The following TNRC18 variants were observed in gnomAD, a reference collection of about 807,000 sequenced individuals.
The protein encoded by TNRC18 is trinucleotide repeat-containing gene 18 protein.
TNRC18 carries 69 observed loss-of-function variants against 226.7 expected under a neutral mutation model. The observed-to-expected ratio is 0.30, with a 90% CI of 0.25 to 0.37. The LOEUF is 0.37. Ranked by LOEUF, TNRC18 falls within the 10% of genes least tolerant of loss-of-function variation. The pLI is 1.00. For missense variants in TNRC18, 4,754 were observed against 4,256.6 expected, an observed-to-expected ratio of 1.12 and a Z score of -3.25; for synonymous variants, 2,449 against 1,927.6, an observed-to-expected ratio of 1.27 and a Z score of -7.09.
chr7:5,360,051 C>G (rs1487162856), intron 14 of TNRC18, among the ~76,000 whole-genome samples: 1 of 151,856 alleles, frequency 6.6e-6, no homozygotes, highest in African/African-American at 2.4e-5. Flanking sequence ...AGTGGGGACA[C>G]AGACATGGCT....
At position 5,389,188 on chromosome 7, in the gene TNRC18, G is replaced by A. The variant is rs751478760; in HGVS notation, c.636C>T (p.Arg212=). The part of the protein sequence containing the change: ...RDGPAKERAG[R]GGEPPPLFGK... ...CGAAAAGCGGAGGCGGCTCCCCGCC[G>A]CGGCCCGCCCGCTCCTTGGCTGGAC... The change falls in exon 5 of 30, where the codon CGC becomes CGT. Residue 212 remains arginine, a synonymous_variant. Transcript: ENST00000430969. 3.0e-6 allele frequency: 4 copies of A among 1,318,798 alleles called. No individual in the cohort carries two copies. In the Admixed American group the frequency reaches 1.2e-4, roughly 39 times the overall value. 81.7% of individuals were successfully genotyped at this position (1,318,798 alleles called of 1,614,324 possible).
intron 18 of TNRC18, among the ~76,000 whole-genome samples, chr7:5,342,015 G>C (rs1233214058): frequency 1.3e-5 from 2 of 152,222 alleles, no homozygotes; most frequent in African/African-American, 2.4e-5. Flanking sequence ...AGATGAAGGA[G>C]TAATTTTGAA....
In TNRC18 at chr7:5,377,041, G is replaced by C. The variant is rs757300480; in HGVS notation, c.2462-48C>G. The C allele has an allele frequency of 2.6e-6, 4 of 1,541,114 alleles. No homozygotes were observed. The South Asian group carries it at 3.6e-5, about 14-fold the overall frequency. Reference sequence around the variant, plus strand: ...GAGTCAGTGCTGGGAGCCCCCAAGCGGTTTGTCCTCGGGCAGCCCCAGCCC... The same window carrying C: ...GAGTCAGTGCTGGGAGCCCCCAAGCCGTTTGTCCTCGGGCAGCCCCAGCCC... On this transcript the variant is annotated intron_variant, in intron 7 of 29. Transcript: ENST00000430969. This position sits in a 1 kb window ranked among gnomAD's most constrained non-coding sequence, Gnocchi z 5.8.
At position 5,308,032 on chromosome 7, in the gene TNRC18, C is replaced by A. The variant is rs1044696882; in HGVS notation, c.*74G>T. 2.8e-6 allele frequency: 4 copies of A among 1,405,560 alleles called. No homozygotes were observed. The African/African-American group carries it at 5.7e-5, about 20-fold the overall frequency. 87.1% of individuals were successfully genotyped at this position (1,405,560 alleles called of 1,614,324 possible). ...CGCATGCACACAACGCACGTGGTCT[C>A]CGCGCCATGGCAGTGATGGAGATGG... is the stretch of plus-strand genomic sequence containing the variant. On this transcript the variant is annotated 3_prime_UTR_variant, in exon 30 of 30. Coordinates refer to ENST00000430969, the MANE Select transcript of TNRC18 (RefSeq NM_001080495.3).
rs560438016 is a variant in TNRC18 at position 5,387,905 on chromosome 7, G to C, written c.1919C>G (p.Ser640Cys). The C allele has an allele frequency of 2.5e-5, 40 of 1,592,510 alleles. No homozygotes were observed. The African/African-American group carries it at 4.7e-4, about 19-fold the overall frequency. ...ASRAQARLPH[S>C]GGPAAGGGRQ... ...GCCGCCGCCCGCTGCAGGGCCTCCG[G>C]AGTGTGGGAGACGGGCCTGGGCTCG... The change falls in exon 5 of 30, where the codon TCC (serine) becomes TGC (cysteine). Residue 640 changes from serine to cysteine, a missense_variant. Ser to Cys is a moderately radical substitution (Grantham distance 112). Coordinates refer to ENST00000430969, the MANE Select transcript of TNRC18 (RefSeq NM_001080495.3).
In TNRC18 at chr7:5,361,882, G is replaced by A. The variant is rs964166101; in HGVS notation, c.4532+15C>T. 24 of 1,541,210 alleles carry A rather than the reference G, an allele frequency of 1.6e-5. No individual in the cohort carries two copies. Among genetic ancestry groups the A allele is most frequent in the Admixed American group, 1.2e-4 (6 of 50,336 alleles). ...GGGGCAGGGGCCCCACGGGGCGGGCGGGGGACACACTCACTCGGAGTCCCG... is the reference window on the plus strand; with the variant it reads ...GGGGCAGGGGCCCCACGGGGCGGGCAGGGGACACACTCACTCGGAGTCCCG... On this transcript the variant is annotated intron_variant, in intron 13 of 29. Transcript: ENST00000430969.
At chr7:5,355,419 G>A (rs1298934001) in intron 16 of TNRC18, among the ~76,000 whole-genome samples, 1 of 152,172 alleles carries the variant, frequency 6.6e-6, no homozygotes, top group Non-Finnish European at 1.5e-5. Context: ...CTTGATCCCA[G>A]GAGTTTAAGA....
In TNRC18 at chr7:5,374,106, C is replaced by T; in HGVS notation, c.3178G>A (p.Asp1060Asn). ...EAPENVVEKKDLELEKEAPSP... is the reference protein window; with the variant it reads ...EAPENVVEKKNLELEKEAPSP... ...GGGGCTTCCTTCTCCAACTCCAAGT[C>T]TTTCTTCTCGACCACATTCTCGGGA... Residue 1060 changes from aspartate to asparagine, a missense_variant, in exon 10 of 30, where the codon GAC (aspartate) becomes AAC (asparagine). Physicochemically the swap from Asp to Asn is conservative, Grantham distance 23. Coordinates refer to ENST00000430969, the MANE Select transcript of TNRC18 (RefSeq NM_001080495.3). 1 of 1,566,442 alleles carries T rather than the reference C, an allele frequency of 6.4e-7. No homozygotes were observed. Among genetic ancestry groups the T allele is most frequent in the Non-Finnish European group, 8.6e-7 (1 of 1,157,876 alleles).
chr7:5,370,451 C>T lies in TNRC18; in HGVS notation c.4143G>A (p.Gln1381=). 6.4e-7 allele frequency: 1 copy of T among 1,566,814 alleles called. No homozygotes were observed. The highest frequency in any genetic ancestry group is 8.7e-7 in the Non-Finnish European group (1 of 1,155,448). ...LEAAESLVLE[Q]SFLHGITLLS... ...GCAGGGTGATGCCATGCAGGAAGCTCTGCTCCAAGACAAGGCTCTCGGCTG... is the reference window on the plus strand; with the variant it reads ...GCAGGGTGATGCCATGCAGGAAGCTTTGCTCCAAGACAAGGCTCTCGGCTG... Residue 1381 remains glutamine (Q), a synonymous_variant, in exon 11 of 30, where the codon CAG becomes CAA. Coordinates refer to ENST00000430969, the MANE Select transcript of TNRC18 (RefSeq NM_001080495.3).
At chr7:5,414,463 A>G (rs1479875253) in intron 2 of TNRC18, among the ~76,000 whole-genome samples, 5 of 151,258 alleles carry the variant, frequency 3.3e-5, no homozygotes, top group Non-Finnish European at 5.9e-5. Flanking sequence ...CCCAGGCTGG[A>G]GTGCAATGGC....
At chr7:5,342,917 C>G (rs1790823044) in intron 18 of TNRC18, among the ~76,000 whole-genome samples, 1 of 152,180 alleles carries the variant, frequency 6.6e-6, no homozygotes, top group Non-Finnish European at 1.5e-5. Flanking sequence ...TCAGCAACCA[C>G]CACCCTAATC....
At chr7:5,357,325 T>G in intron 15 of TNRC18, 49 bp from the exon 16 acceptor site, 3 of 1,538,464 alleles carry the variant, frequency 1.9e-6, no homozygotes, top group Non-Finnish European at 2.6e-6. Context: ...CAAAACAGTA[T>G]AGTGGGTTTC....
At chr7:5,366,147 G>T (rs549509833) in intron 11 of TNRC18, among the ~76,000 whole-genome samples, 1 of 151,666 alleles carries the variant, frequency 6.6e-6, no homozygotes, top group Non-Finnish European at 1.5e-5. Context: ...TCTCTGCTGG[G>T]GGCTTGTCCT....
rs1012964930 is a variant in TNRC18, at chr7:5,359,017, T to C, written c.4833+381A>G. The stretch of plus-strand genomic sequence containing the variant: ...AATTACCATGGCACCAAGCCCTTGT[T>C]TCTTAGAACTACAGAATGGCAGAGC... On this transcript the variant is annotated intron_variant, in intron 15 of 29. Transcript: ENST00000430969. Among the ~76,000 whole-genome samples, 3 of 152,310 alleles carry C rather than the reference T, an allele frequency of 2.0e-5. No individual in the cohort carries two copies. In the South Asian group the frequency reaches 6.2e-4, roughly 32 times the overall value.
At chr7:5,383,720 C>G (rs1779558726) in intron 5 of TNRC18, among the ~76,000 whole-genome samples, 2 of 152,042 alleles carry the variant, frequency 1.3e-5, no homozygotes, top group African/African-American at 4.8e-5. Flanking sequence ...AGCACTCAGG[C>G]TGGACTGCCC....
intron 1 of TNRC18, among the ~76,000 whole-genome samples, chr7:5,422,060 A>G (rs1189667240): frequency 6.6e-6 from 1 of 152,064 alleles, no homozygotes; most frequent in African/African-American, 2.4e-5. Context: ...GGAGGGTCCA[A>G]AGCGGGTTTA....
intron 2 of TNRC18, among the ~76,000 whole-genome samples, chr7:5,404,885 G>A (rs1184086640): frequency 3.3e-5 from 5 of 152,042 alleles, no homozygotes; most frequent in South Asian, 2.1e-4. Flanking sequence ...AGGCCGAGGC[G>A]GGCAGATTGC....
chr7:5,376,073 C>T lies in TNRC18; in HGVS notation c.2760G>A (p.Ala920=), dbSNP rs769261912. The T allele has an allele frequency of 2.4e-5, 38 of 1,597,328 alleles. 1 individual carries two copies. The highest frequency in any genetic ancestry group is 3.7e-4 in the Middle Eastern group (2 of 5,456). Residue 920 remains alanine, a synonymous_variant, in exon 9 of 30, where the codon GCG becomes GCA. Coordinates refer to ENST00000430969, the MANE Select transcript of TNRC18 (RefSeq NM_001080495.3). Reference sequence around the variant, plus strand: ...TCCTCTGCAGTTCCAAGGCCTGGGCCGCCTGCTGCTGCAGGTACAGGAACT... The same window carrying T: ...TCCTCTGCAGTTCCAAGGCCTGGGCTGCCTGCTGCTGCAGGTACAGGAACT... The part of the protein sequence containing the change: ...QQEFLYLQQQ[A]AQALELQRSA...
rs985406182 is a variant in TNRC18, at chr7:5,339,082, G to C, written c.5720-6033C>G. On this transcript the variant is annotated intron_variant, in intron 18 of 29. Coordinates refer to ENST00000430969, the MANE Select transcript of TNRC18 (RefSeq NM_001080495.3). ...GGAGGCCAATGAGCGCAGATCACTT[G>C]AGATCAGGAGTTCGAGACCAGCCTG... Among the ~76,000 whole-genome samples the C allele has an allele frequency of 5.9e-5, 9 of 151,902 alleles. 1 individual carries two copies. Among genetic ancestry groups the C allele is most frequent in the African/African-American group, 1.7e-4 (7 of 41,354 alleles).
Sources: allele counts gnomAD v4.1 joint callset (sites outside exome capture counted in the v4.1 genomes callset), GRCh38; gene constraint gnomAD v4.1.1; non-coding constraint Gnocchi (gnomAD v3.1); transcripts MANE v1.5; gene names NCBI Gene and HGNC (gene_info 2026-07-23, HGNC 2026-07-21).